Variants in RIMBP2 observed in about 807,000 individuals in gnomAD.
RIMBP2 encodes the protein RIMS-binding protein 2.
RIMBP2 carries 48 observed loss-of-function variants against 118.6 expected under a neutral mutation model. That is an observed-to-expected ratio of 0.40 (90% CI 0.32 to 0.51). The LOEUF (loss-of-function observed/expected upper bound fraction) is 0.51, where lower values mean the gene tolerates loss of function less well. Among genes scored for constraint, RIMBP2 ranks in the 20% least tolerant of loss-of-function variants. The pLI, the probability that RIMBP2 is intolerant of heterozygous loss-of-function variation, is 0.41. For missense variants in RIMBP2, 1,551 were observed against 1,768.3 expected (o/e 0.88, Z 2.20); for synonymous variants, 762 against 742.9 (o/e 1.03, Z -0.42).
intron 4 of RIMBP2, among the ~76,000 whole-genome samples, chr12:130,497,628 G>C (rs1044399369): frequency 2.0e-5 from 3 of 152,208 alleles, no homozygotes; most frequent in Non-Finnish European, 4.4e-5. Flanking sequence ...AATGTCTTGT[G>C]TATCAGGCAG....
chr12:130,529,179 G>A (rs2053117589), intron 2 of RIMBP2, among the ~76,000 whole-genome samples: 1 of 152,154 alleles, frequency 6.6e-6, no homozygotes. Context: ...ATGACATGCT[G>A]ATTCATGCCA....
At chr12:130,416,646 T>C (rs1192646441) in intron 17 of RIMBP2, among the ~76,000 whole-genome samples, 1 of 152,204 alleles carries the variant, frequency 6.6e-6, no homozygotes, top group Admixed American at 6.5e-5. Context: ...GGAAATACCA[T>C]TCTGGACATC....
In RIMBP2 at chr12:130,438,507, G is replaced by A. The variant is rs1182428381; in HGVS notation, c.1514C>T (p.Ala505Val). 1 of 1,603,168 alleles carries A rather than the reference G, an allele frequency of 6.2e-7. No homozygotes were observed. The highest frequency in any genetic ancestry group is 1.3e-5 in the African/African-American group (1 of 74,720). The change falls in exon 12 of 23, where the codon GCA becomes GTA. Residue 505 changes from alanine to valine, a missense_variant. Transcript: ENST00000690449. ...CTGGACGGTAACATCTTGTGGGGGT[G>A]CTGGGGGTCCTGGGAGGGGACAGAA... ...EFSTLPAGPPAPPQDVTVQAG... is the reference protein window; with the variant it reads ...EFSTLPAGPPVPPQDVTVQAG...
rs200540395 is a variant in RIMBP2, at chr12:130,450,191, C to T, written c.581+9G>A. 2.0e-5 allele frequency: 32 copies of T among 1,595,744 alleles called. No individual in the cohort carries two copies. In the East Asian group the frequency reaches 5.0e-4, roughly 25 times the overall value. ...AGGGGCTCGGTGGACGCCGAGGGGCCGCACTTACCTATAGCGGGCAACACA... is the reference window on the plus strand; with the variant it reads ...AGGGGCTCGGTGGACGCCGAGGGGCTGCACTTACCTATAGCGGGCAACACA... On this transcript the variant is annotated intron_variant, in intron 9 of 22. Transcript: ENST00000690449. The surrounding 1 kb of genome is among the most constrained non-coding windows in gnomAD (Gnocchi z 4.8).
At chr12:130,612,196 C>G (rs1250556728) in intron 2 of RIMBP2, among the ~76,000 whole-genome samples, 1 of 152,102 alleles carries the variant, frequency 6.6e-6, no homozygotes, top group African/African-American at 2.4e-5. Context: ...TGACCTGTGT[C>G]CGGCCCAGAC....
chr12:130,615,272 C>CACACATATAT (rs1429575646), intron 2 of RIMBP2, among the ~76,000 whole-genome samples: 13 of 38,806 alleles, frequency 3.4e-4, no homozygotes, highest in Non-Finnish European at 5.5e-4. Flanking sequence ...ACATAATACA[C>CACACATATAT]ATACATATAT....
chr12:130,655,089 A>G (rs1225740255), intron 1 of RIMBP2, among the ~76,000 whole-genome samples: 3 of 152,150 alleles, frequency 2.0e-5, no homozygotes, highest in African/African-American at 7.2e-5. Context: ...CCATATCAAC[A>G]TAACCCAGCA....
chr12:130,408,128 G>C (rs528000025), intron 19 of RIMBP2, among the ~76,000 whole-genome samples: 1 of 152,178 alleles, frequency 6.6e-6, no homozygotes, highest in Non-Finnish European at 1.5e-5. Flanking sequence ...CGGGGCTCTC[G>C]AACAGCAAAT....
At chr12:130,521,076 G>C (rs1369153880) in intron 2 of RIMBP2, among the ~76,000 whole-genome samples, 2 of 152,150 alleles carry the variant, frequency 1.3e-5, no homozygotes, top group East Asian at 1.9e-4. Context: ...CCTTGGGGGG[G>C]AAATCAGAAA....
At chr12:130,534,942 T>C (rs1185531129) in intron 2 of RIMBP2, among the ~76,000 whole-genome samples, 1 of 152,240 alleles carries the variant, frequency 6.6e-6, no homozygotes, top group Non-Finnish European at 1.5e-5. Flanking sequence ...TTGGGGCCAC[T>C]ATTATTTTTG....
intron 20 of RIMBP2, among the ~76,000 whole-genome samples, chr12:130,407,142 T>C (rs1411473834): frequency 2.0e-5 from 3 of 152,200 alleles, no homozygotes; most frequent in Non-Finnish European, 4.4e-5. Context: ...AATGAGGGAA[T>C]ATAGTTGGTG....
intron 1 of RIMBP2, among the ~76,000 whole-genome samples, chr12:130,645,010 C>T (rs920642227): frequency 1.2e-4 from 18 of 152,256 alleles, no homozygotes; most frequent in African/African-American, 3.6e-4. Flanking sequence ...ACTGTGAACC[C>T]GTTGTTAAGT....
intron 2 of RIMBP2, among the ~76,000 whole-genome samples, chr12:130,583,507 A>G (rs2058612507): frequency 8.0e-6 from 1 of 124,712 alleles, no homozygotes; most frequent in Admixed American, 8.8e-5. Flanking sequence ...CATCACCATT[A>G]CCACCATTAC....
rs546219044 is a variant in RIMBP2 at position 130,451,182 on chromosome 12, G to A, written c.504+13C>T. 1.9e-6 allele frequency: 3 copies of A among 1,611,992 alleles called. No individual in the cohort carries two copies. The highest frequency in any genetic ancestry group is 2.2e-5 in the East Asian group (1 of 44,814). Reference sequence around the variant, plus strand: ...ACAGGCAGCCCCGGCAGCCCCTGCGGGACGGGACTCACGTCTGACTCAGAT... The same window carrying A: ...ACAGGCAGCCCCGGCAGCCCCTGCGAGACGGGACTCACGTCTGACTCAGAT... On this transcript the variant is annotated intron_variant, in intron 8 of 22. Transcript: ENST00000690449.
At chr12:130,479,828 C>A (rs994541505) in intron 4 of RIMBP2, among the ~76,000 whole-genome samples, 1 of 151,810 alleles carries the variant, frequency 6.6e-6, no homozygotes, top group East Asian at 2.0e-4. Context: ...CCTGACAATC[C>A]GTCTGTCCTG....
chr12:130,445,202 G>T lies in RIMBP2; in HGVS notation c.649C>A (p.Leu217Ile). Residue 217 changes from leucine to isoleucine, a missense_variant, in exon 10 of 23, where the codon CTC (leucine) becomes ATC (isoleucine). Leu to Ile is a conservative substitution (Grantham distance 5). Transcript: ENST00000690449. Reference protein sequence around the residue: ...AELPLTAGKYLYVYGDMDEDG... With the variant: ...AELPLTAGKYIYVYGDMDEDG... ...TCATCCATGTCTCCATAGACGTAGA[G>T]GTATTTTCCCGCCGTGAGGGGCAGC... 1 of 1,613,306 alleles carries T rather than the reference G, an allele frequency of 6.2e-7. No individual in the cohort carries two copies. Among genetic ancestry groups the T allele is most frequent in the Non-Finnish European group, 8.5e-7 (1 of 1,179,660 alleles).
intron 2 of RIMBP2, among the ~76,000 whole-genome samples, chr12:130,565,295 A>G (rs900583345): frequency 6.6e-6 from 1 of 152,106 alleles, no homozygotes; most frequent in African/African-American, 2.4e-5. Context: ...TTGGAACTCA[A>G]CCCTTGCTGG....
rs140123252 is a variant in RIMBP2, at chr12:130,464,695, C to T, written c.153+5998G>A. On this transcript the variant is annotated intron_variant, in intron 6 of 22. Coordinates refer to ENST00000690449, the MANE Select transcript of RIMBP2 (RefSeq NM_001393629.1). The stretch of plus-strand genomic sequence containing the variant: ...AGAAGACGAGGCCAAGAGGGACTTG[C>T]GGTCACACCCCCAGTGGGCAGTAGG... 2.2e-3 allele frequency among the ~76,000 whole-genome samples: 336 copies of T among 152,366 alleles called. 1 individual carries two copies. Among genetic ancestry groups the T allele is most frequent in the African/African-American group, 7.8e-3 (323 of 41,592 alleles).
At chr12:130,648,767 G>A (rs1488640453) in intron 1 of RIMBP2, among the ~76,000 whole-genome samples, 1 of 142,628 alleles carries the variant, frequency 7.0e-6, no homozygotes, top group East Asian at 2.0e-4. Flanking sequence ...AGCGATTCTC[G>A]CTCCTCAGCC....
Sources: gnomAD v4.1 joint callset for allele counts (sites outside exome capture counted in the v4.1 genomes callset) on GRCh38, gnomAD v4.1.1 for gene constraint, Gnocchi (gnomAD v3.1) non-coding constraint, MANE v1.5 for transcripts, NCBI Gene and HGNC (gene_info 2026-07-23, HGNC 2026-07-21) for gene names.